The following PLCE1 variants were observed in gnomAD, a reference collection of about 807,000 sequenced individuals.
PLCE1 encodes phospholipase C epsilon 1.
A neutral mutation model predicts 242.8 loss-of-function variants in PLCE1; 119 were observed. That is an observed-to-expected ratio of 0.49 (90% CI 0.42 to 0.57). PLCE1 has a LOEUF of 0.57. Ranked by LOEUF, PLCE1 falls within the 20% of genes least tolerant of loss-of-function variation. The pLI, the probability that PLCE1 is intolerant of heterozygous loss-of-function variation, is 0.00. For missense variants in PLCE1, 2,441 were observed against 2,788.8 expected, an observed-to-expected ratio of 0.88 and a Z score of 2.81; for synonymous variants, 945 against 1,017.4, an observed-to-expected ratio of 0.93 and a Z score of 1.35.
intron 22 of PLCE1, among the ~76,000 whole-genome samples, chr10:94,290,478 A>T (rs2052606070): frequency 9.8e-6 from 1 of 102,466 alleles, no homozygotes; most frequent in Admixed American, 1.2e-4. Flanking sequence ...AAAAACAGAT[A>T]CAAGCACCCA....
intron 24 of PLCE1, among the ~76,000 whole-genome samples, chr10:94,300,998 T>C (rs1564876683): frequency 6.6e-6 from 1 of 151,392 alleles, no homozygotes; most frequent in Non-Finnish European, 1.5e-5. Context: ...TGTATCAAGA[T>C]TGTGCCACTG....
At chr10:94,091,342 A>G (rs1172418159) in intron 2 of PLCE1, among the ~76,000 whole-genome samples, 1 of 152,200 alleles carries the variant, frequency 6.6e-6, no homozygotes, top group Non-Finnish European at 1.5e-5. Flanking sequence ...TGGCATCTTA[A>G]CACTCAGTTC....
intron 3 of PLCE1, among the ~76,000 whole-genome samples, chr10:94,132,950 A>T (rs1590091127): frequency 2.6e-5 from 1 of 38,064 alleles, no homozygotes; most frequent in Non-Finnish European, 4.8e-5. Context: ...ACTCCATCTC[A>T]AAAAAAAAAA....
intron 18 of PLCE1, among the ~76,000 whole-genome samples, chr10:94,271,590 A>G (rs1418978568): frequency 6.6e-6 from 1 of 152,040 alleles, no homozygotes; most frequent in East Asian, 1.9e-4. Flanking sequence ...CTGGGATTAC[A>G]TACGTGAGGC....
intron 4 of PLCE1, among the ~76,000 whole-genome samples, chr10:94,195,084 C>T (rs917362861): frequency 2.0e-5 from 3 of 152,142 alleles, no homozygotes; most frequent in Non-Finnish European, 4.4e-5. Flanking sequence ...TTTCTCAACA[C>T]TCTTTGGCCC....
At chr10:94,072,794 G>A (rs1408745226) in intron 2 of PLCE1, among the ~76,000 whole-genome samples, 1 of 152,124 alleles carries the variant, frequency 6.6e-6, no homozygotes, top group Non-Finnish European at 1.5e-5. Flanking sequence ...GTAATGAAGA[G>A]GGTTAGATGA....
intron 9 of PLCE1, among the ~76,000 whole-genome samples, chr10:94,252,966 G>A (rs1038906140): frequency 6.6e-6 from 1 of 152,202 alleles, no homozygotes; most frequent in Non-Finnish European, 1.5e-5. Flanking sequence ...TGGATGGCTA[G>A]AGCATGAGCA....
chr10:94,277,833 T>A (rs560326100), intron 19 of PLCE1, among the ~76,000 whole-genome samples: 1 of 152,276 alleles, frequency 6.6e-6, no homozygotes, highest in South Asian at 2.1e-4. Context: ...GCACTGGAGA[T>A]CTTTGAAGAC....
Position 94,328,659 on chromosome 10 carries a change from C to T in PLCE1, c.*716C>T, listed in dbSNP as rs1287310509. 1 of 152,156 alleles carries T rather than the reference C, an allele frequency of 6.6e-6. No homozygotes were observed. The highest frequency in any genetic ancestry group is 2.4e-5 in the African/African-American group (1 of 41,416). 9.4% of individuals were successfully genotyped at this position (152,156 alleles called of 1,614,324 possible). On this transcript the variant is annotated 3_prime_UTR_variant, in exon 33 of 33. Transcript: ENST00000371380. Reference sequence around the variant, plus strand: ...AAGCTTAGAATTAGAAGCTTTGGGGCATTTCAAGTGTAAATATGTCCTATA... The same window carrying T: ...AAGCTTAGAATTAGAAGCTTTGGGGTATTTCAAGTGTAAATATGTCCTATA...
intron 13 of PLCE1, among the ~76,000 whole-genome samples, chr10:94,260,193 A>G (rs1373175166): frequency 4.6e-5 from 7 of 152,148 alleles, no homozygotes; most frequent in South Asian, 2.1e-4. Context: ...TGTGTGTTCA[A>G]TCACAGGGCA....
intron 4 of PLCE1, among the ~76,000 whole-genome samples, chr10:94,224,246 C>T (rs533741366): frequency 6.6e-6 from 1 of 152,212 alleles, no homozygotes; most frequent in African/African-American, 2.4e-5. Context: ...AATATGGTAT[C>T]GCTGTTTTTT....
At chr10:94,116,673 C>T (rs143723702) in intron 2 of PLCE1, among the ~76,000 whole-genome samples, 15 of 151,676 alleles carry the variant, frequency 9.9e-5, no homozygotes, top group South Asian at 2.1e-4. Context: ...CCAGTCTGGG[C>T]GAAAGAGTGA....
chr10:94,228,499 C>T (rs1000128843), intron 5 of PLCE1, among the ~76,000 whole-genome samples: 4 of 152,100 alleles, frequency 2.6e-5, no homozygotes, highest in Non-Finnish European at 5.9e-5. Context: ...ATGTGCGTGG[C>T]GTATAGTAAG....
intron 3 of PLCE1, among the ~76,000 whole-genome samples, chr10:94,161,888 G>T (rs1006090881): frequency 3.5e-4 from 53 of 152,106 alleles, no homozygotes; most frequent in Non-Finnish European, 7.2e-4. Context: ...TTTGTCAAAG[G>T]CCTTTTCTGC....
At chr10:94,189,781 C>A (rs76359407) in intron 4 of PLCE1, among the ~76,000 whole-genome samples, 11 of 152,122 alleles carry the variant, frequency 7.2e-5, no homozygotes, top group African/African-American at 2.7e-4. Flanking sequence ...GCTTTCCAAG[C>A]GTGGCTTTCG....
intron 22 of PLCE1, among the ~76,000 whole-genome samples, chr10:94,286,461 T>A (rs990757006): frequency 3.9e-5 from 6 of 152,170 alleles, no homozygotes; most frequent in Non-Finnish European, 7.4e-5. Flanking sequence ...TAGCAAGACC[T>A]CATCTCTAAA....
intron 3 of PLCE1, among the ~76,000 whole-genome samples, chr10:94,156,493 A>G (rs1048845638): frequency 6.6e-6 from 1 of 152,238 alleles, no homozygotes; most frequent in African/African-American, 2.4e-5. Context: ...ATGAACAGCC[A>G]GATGAAGAGG....
intron 1 of PLCE1, among the ~76,000 whole-genome samples, chr10:94,016,704 G>T (rs553379124): frequency 2.0e-5 from 3 of 152,268 alleles, no homozygotes; most frequent in African/African-American, 7.2e-5. Flanking sequence ...AACAAAATTA[G>T]AACTTATTGA....
At chr10:94,047,007 C>G (rs762959238) in intron 2 of PLCE1, among the ~76,000 whole-genome samples, 1 of 151,912 alleles carries the variant, frequency 6.6e-6, no homozygotes, top group Non-Finnish European at 1.5e-5. Flanking sequence ...TTATAAATAA[C>G]CTTTTTAAAA....
Sources: gnomAD v4.1 joint callset for allele counts (sites outside exome capture counted in the v4.1 genomes callset) on GRCh38, gnomAD v4.1.1 for gene constraint, MANE v1.5 for transcripts, NCBI Gene and HGNC (gene_info 2026-07-23, HGNC 2026-07-21) for gene names.